CADM2: variants seen among roughly 807,000 people sequenced by gnomAD.
CADM2 encodes the protein cell adhesion molecule 2, also known as immunoglobulin superfamily member 4D.
A neutral mutation model predicts 49.8 loss-of-function variants in CADM2; 12 were observed. The observed-to-expected ratio is 0.24, with a 90% confidence interval of 0.15 to 0.39. The LOEUF is 0.39. CADM2 is among the 10% of genes least tolerant of loss of function. The pLI is 1.00. For synonymous variants in CADM2, 214 were observed against 175.4 expected, an observed-to-expected ratio of 1.22 and a Z score of -1.74; for missense variants, 378 against 492.3, an observed-to-expected ratio of 0.77 and a Z score of 2.20.
chr3:85,241,771 G>A (rs1211117189), intron 1 of CADM2, among the ~76,000 whole-genome samples: 2 of 151,428 alleles, frequency 1.3e-5, no homozygotes, highest in African/African-American at 4.8e-5. Flanking sequence ...ATCAATCAAA[G>A]AATAGCCTCA....
intron 6 of CADM2, among the ~76,000 whole-genome samples, chr3:85,918,076 A>T (rs908223074): frequency 6.6e-6 from 1 of 152,142 alleles, no homozygotes; most frequent in African/African-American, 2.4e-5. Context: ...GGTTTTCTAG[A>T]TATACAATCA....
intron 3 of CADM2, among the ~76,000 whole-genome samples, chr3:85,831,435 T>A (rs755913575): frequency 2.6e-5 from 4 of 152,046 alleles, no homozygotes; most frequent in Non-Finnish European, 5.9e-5. Context: ...TGAACTAATC[T>A]ACATTCCCAC....
At chr3:85,972,273 A>C (rs1726252090) in intron 8 of CADM2, among the ~76,000 whole-genome samples, 1 of 151,724 alleles carries the variant, frequency 6.6e-6, no homozygotes, top group South Asian at 2.1e-4. Context: ...CAGTCAGTGC[A>C]ATTAGTAGTA....
intron 1 of CADM2, among the ~76,000 whole-genome samples, chr3:85,321,553 G>A (rs993656421): frequency 6.6e-6 from 1 of 151,904 alleles, no homozygotes; most frequent in Admixed American, 6.6e-5. Context: ...ATGTTTTAAA[G>A]AATTATATGA....
chr3:85,880,753 G>A (rs1712632747), intron 3 of CADM2, among the ~76,000 whole-genome samples: 1 of 152,124 alleles, frequency 6.6e-6, no homozygotes, highest in East Asian at 1.9e-4. Context: ...TTTCACAGTA[G>A]AGTTCACTCT....
At chr3:85,067,443 G>C (rs1412314352) in intron 1 of CADM2, among the ~76,000 whole-genome samples, 1 of 152,028 alleles carries the variant, frequency 6.6e-6, no homozygotes, top group African/African-American at 2.4e-5. Flanking sequence ...TTGCTTGGAA[G>C]GTTATGAAAT....
At position 86,066,900 on chromosome 3, in the gene CADM2, A is replaced by G. The variant is rs1739399615; in HGVS notation, c.*117A>G. 1 of 715,998 alleles carries G rather than the reference A, an allele frequency of 1.4e-6. No individual in the cohort carries two copies. Among genetic ancestry groups the G allele is most frequent in the East Asian group, 2.5e-5 (1 of 40,522 alleles). 44.4% of individuals were successfully genotyped at this position (715,998 alleles called of 1,614,324 possible). On this transcript the variant is annotated 3_prime_UTR_variant, in exon 10 of 10. Coordinates refer to ENST00000383699, the MANE Select transcript of CADM2 (RefSeq NM_001167675.2). ...CTACCCTTATTAACTCCCATACTGT[A>G]CTGCTATCAGTAGCCAGTGTATACC...
chr3:85,488,807 G>A (rs2039541593), intron 1 of CADM2, among the ~76,000 whole-genome samples: 1 of 152,106 alleles, frequency 6.6e-6, no homozygotes, highest in African/African-American at 2.4e-5. Flanking sequence ...GGGATTACAG[G>A]CGTGAGCCAC....
intron 1 of CADM2, among the ~76,000 whole-genome samples, chr3:85,236,353 G>C (rs1290892738): frequency 6.6e-6 from 1 of 151,996 alleles, no homozygotes; most frequent in African/African-American, 2.4e-5. Context: ...GAAGGATTAA[G>C]ACGTCAATTC....
intron 2 of CADM2, among the ~76,000 whole-genome samples, chr3:85,790,429 C>G (rs920129348): frequency 2.0e-5 from 3 of 152,202 alleles, no homozygotes; most frequent in African/African-American, 7.2e-5. Flanking sequence ...GTTCCCTGGT[C>G]TGCTATGAGC....
At chr3:86,014,087 A>C (rs1731896672) in intron 8 of CADM2, 1 of 1,292,574 alleles carries the variant, frequency 7.7e-7, no homozygotes, top group African/African-American at 1.5e-5. Context: ...AAAGGGGTAA[A>C]GAACTGAAGG....
chr3:85,979,865 C>T (rs1237295648), intron 8 of CADM2, among the ~76,000 whole-genome samples: 1 of 151,510 alleles, frequency 6.6e-6, no homozygotes, highest in Non-Finnish European at 1.5e-5. Flanking sequence ...AAGTAAATAT[C>T]TGTTGTCTCA....
At chr3:86,052,503 G>A (rs553605706) in intron 8 of CADM2, among the ~76,000 whole-genome samples, 1 of 152,118 alleles carries the variant, frequency 6.6e-6, no homozygotes, top group Non-Finnish European at 1.5e-5. Context: ...TGGCCTATAA[G>A]GTTCTGTGCA....
At chr3:85,730,507 C>A (rs1172176909) in intron 2 of CADM2, among the ~76,000 whole-genome samples, 1 of 151,200 alleles carries the variant, frequency 6.6e-6, no homozygotes, top group Non-Finnish European at 1.5e-5. Flanking sequence ...TCAGAGCTTG[C>A]CTGAAATAGT....
At chr3:85,060,729 T>C (rs552442008) in intron 1 of CADM2, among the ~76,000 whole-genome samples, 2 of 152,240 alleles carry the variant, frequency 1.3e-5, no homozygotes, top group African/African-American at 4.8e-5. Context: ...TGTAAGGATA[T>C]TTTATGGGTC....
chr3:85,493,073 A>C (rs2107650241), intron 1 of CADM2, among the ~76,000 whole-genome samples: 1 of 152,258 alleles, frequency 6.6e-6, no homozygotes, highest in Non-Finnish European at 1.5e-5. Flanking sequence ...AAGAATCAAC[A>C]GTTTATTGTT....
chr3:85,906,407 T>A (rs1007476578), intron 5 of CADM2, among the ~76,000 whole-genome samples: 5 of 152,172 alleles, frequency 3.3e-5, no homozygotes, highest in African/African-American at 1.2e-4. Flanking sequence ...AAGTATCTCC[T>A]CTTAATAATC....
At chr3:85,965,822 G>T (rs1222652348) in intron 8 of CADM2, among the ~76,000 whole-genome samples, 1 of 151,578 alleles carries the variant, frequency 6.6e-6, no homozygotes, top group Non-Finnish European at 1.5e-5. Flanking sequence ...TCTAGGGAAT[G>T]ACCAATGGTA....
chr3:85,822,440 C>T (rs1162162843), intron 3 of CADM2, among the ~76,000 whole-genome samples: 1 of 151,926 alleles, frequency 6.6e-6, no homozygotes, highest in Non-Finnish European at 1.5e-5. Flanking sequence ...AAAAATTATC[C>T]AGGCATGGTG....
Sources: gnomAD v4.1 joint callset for allele counts (sites outside exome capture counted in the v4.1 genomes callset) on GRCh38, gnomAD v4.1.1 for gene constraint, MANE v1.5 for transcripts, NCBI Gene and HGNC (gene_info 2026-07-23, HGNC 2026-07-21) for gene names.